The following ZBTB7C variants were observed in gnomAD, a reference collection of about 807,000 sequenced individuals.
The protein encoded by ZBTB7C is zinc finger and BTB domain-containing protein 7C.
In ZBTB7C, 8 loss-of-function variants were observed where a neutral mutation model predicts 25.7. The observed-to-expected ratio is 0.31, with a 90% confidence interval of 0.18 to 0.56. ZBTB7C has a LOEUF of 0.56. Ranked by LOEUF, ZBTB7C falls within the 20% of genes least tolerant of loss-of-function variation. The pLI, the probability that ZBTB7C is intolerant of heterozygous loss-of-function variation, is 0.91. For synonymous variants in ZBTB7C, 394 were observed against 369.0 expected, an observed-to-expected ratio of 1.07 and a Z score of -0.78; for missense variants, 824 against 855.2, an observed-to-expected ratio of 0.96 and a Z score of 0.46.
rs373023731 is a variant in ZBTB7C at position 48,084,216 on chromosome 18, C to T, written c.-16-43093G>A. On this transcript the variant is annotated intron_variant, in intron 3 of 4. Coordinates refer to ENST00000590800, the MANE Select transcript of ZBTB7C (RefSeq NM_001318841.2). ...GGGAAGGTTCAGCCTTCCGAGGCCTCACCCTGGGTCAGAGGAAGGCGGGGC... is the reference window on the plus strand; with the variant it reads ...GGGAAGGTTCAGCCTTCCGAGGCCTTACCCTGGGTCAGAGGAAGGCGGGGC... 9.2e-5 allele frequency among the ~76,000 whole-genome samples: 14 copies of T among 152,280 alleles called. No homozygotes were observed. In the East Asian group the frequency reaches 1.5e-3, roughly 17 times the overall value.
chr18:48,334,300 G>A (rs1218454973), intron 2 of ZBTB7C, among the ~76,000 whole-genome samples: 2 of 152,178 alleles, frequency 1.3e-5, no homozygotes, highest in African/African-American at 4.8e-5. Context: ...AGGAGAACAG[G>A]AGGCAAGGGG....
Position 48,328,349 on chromosome 18 carries a change from C to A in ZBTB7C, c.-79+9825G>T, listed in dbSNP as rs79550225. Among the ~76,000 whole-genome samples the A allele has an allele frequency of 9.4e-3, 1,432 of 152,180 alleles. 28 individuals carry two copies. Among genetic ancestry groups the A allele is most frequent in the East Asian group, 0.039 (202 of 5,184 alleles). ...ATCCGGCTATAGATAAAGCAATTCC[C>A]TAAATTGTAGATAGTGATGATCTGT... On this transcript the variant is annotated intron_variant, in intron 2 of 4. Coordinates refer to ENST00000590800, the MANE Select transcript of ZBTB7C (RefSeq NM_001318841.2).
At chr18:48,409,183 C>CCCCGGCAGCCGGCGCCCGAG (rs2048350929) in intron 1 of ZBTB7C, 43 bp downstream of exon 1, 1 of 149,614 alleles carries the variant, frequency 6.7e-6, no homozygotes, top group South Asian at 2.1e-4. Context: ...GAGATCGCGA[C>CCCCGGCAGCCGGCGCCCGAG]CCCGGCAGCC....
chr18:48,137,598 C>T (rs1453931217), intron 3 of ZBTB7C, among the ~76,000 whole-genome samples: 1 of 152,230 alleles, frequency 6.6e-6, no homozygotes, highest in Non-Finnish European at 1.5e-5. Flanking sequence ...TTTCTCCTTA[C>T]AGGGTCGTGA....
At chr18:48,299,422 C>G (rs2045487274) in intron 2 of ZBTB7C, among the ~76,000 whole-genome samples, 1 of 152,160 alleles carries the variant, frequency 6.6e-6, no homozygotes. Context: ...GAAGGGAGAA[C>G]AGAAAAGGTA....
chr18:48,180,908 T>C (rs998656085), intron 3 of ZBTB7C, among the ~76,000 whole-genome samples: 2 of 152,318 alleles, frequency 1.3e-5, no homozygotes, highest in African/African-American at 4.8e-5. Context: ...TGCAGTCCAT[T>C]TTAAGTTTTC....
rs2039900519 is a variant in ZBTB7C at position 48,129,044 on chromosome 18, G to A, written c.-17+56890C>T. ...TCAGAACGAGGGGATGAGGTGAGGG[G>A]TTTGAAAGGGTGCTGAGAGCTTAGA... On this transcript the variant is annotated intron_variant, in intron 3 of 4. Coordinates refer to ENST00000590800, the MANE Select transcript of ZBTB7C (RefSeq NM_001318841.2). Among the ~76,000 whole-genome samples the A allele has an allele frequency of 3.3e-5, 5 of 152,076 alleles. No individual in the cohort carries two copies. In the South Asian group the frequency reaches 1.0e-3, roughly 32 times the overall value.
intron 3 of ZBTB7C, among the ~76,000 whole-genome samples, chr18:48,126,547 G>A (rs555896911): frequency 1.2e-4 from 19 of 152,330 alleles, no homozygotes; most frequent in South Asian, 1.0e-3. Context: ...CTAGCTCCCC[G>A]GGGGAGATGC....
Position 48,035,532 on chromosome 18 carries a change from A to T in ZBTB7C, c.1208+4368T>A, listed in dbSNP as rs141695766. ...GCAATCAAGGACCCATGTGGTGGGA[A>T]TTAAGAGGCGGAAGATGCACAGGCT... On this transcript the variant is annotated intron_variant, in intron 4 of 4. Coordinates refer to ENST00000590800, the MANE Select transcript of ZBTB7C (RefSeq NM_001318841.2). Among the ~76,000 whole-genome samples, 7 of 152,320 alleles carry T rather than the reference A, an allele frequency of 4.6e-5. No homozygotes were observed. The East Asian group carries it at 1.4e-3, about 29-fold the overall frequency.
At chr18:48,383,878 A>G (rs1467596621) in intron 1 of ZBTB7C, among the ~76,000 whole-genome samples, 1 of 152,046 alleles carries the variant, frequency 6.6e-6, no homozygotes, top group East Asian at 1.9e-4. Flanking sequence ...TGAGGCTGGA[A>G]GGGAGCTCTG....
In ZBTB7C at chr18:48,318,317, C is replaced by G. The variant is rs549757425; in HGVS notation, c.-79+19857G>C. 1.7e-4 allele frequency among the ~76,000 whole-genome samples: 26 copies of G among 152,358 alleles called. 2 individuals are homozygous for G. The highest frequency in any genetic ancestry group is 6.8e-3 in the Middle Eastern group (2 of 294). On this transcript the variant is annotated intron_variant, in intron 2 of 4. Transcript: ENST00000590800. ...TAGGACTGGTTGGGAACCAACCCCC[C>G]CTCACAAGTCCTCCCCTGCCCCCAT...
At chr18:48,188,582 T>A (rs1274335938) in intron 2 of ZBTB7C, among the ~76,000 whole-genome samples, 1 of 152,140 alleles carries the variant, frequency 6.6e-6, no homozygotes, top group Admixed American at 6.5e-5. Context: ...AGCCCATGGC[T>A]CATAAGCATG....
At chr18:48,173,940 A>G (rs1220423313) in intron 3 of ZBTB7C, among the ~76,000 whole-genome samples, 1 of 152,110 alleles carries the variant, frequency 6.6e-6, no homozygotes, top group Non-Finnish European at 1.5e-5. Context: ...CAGCTTCCAA[A>G]TTGGCTCCCC....
intron 2 of ZBTB7C, among the ~76,000 whole-genome samples, chr18:48,315,662 A>G (rs2045930368): frequency 6.6e-6 from 1 of 152,072 alleles, no homozygotes; most frequent in Admixed American, 6.5e-5. Context: ...CCCGGTAGGA[A>G]GGGTGGCTCC....
Position 48,254,347 on chromosome 18 carries a change from C to A in ZBTB7C, c.-78-68352G>T, listed in dbSNP as rs376499457. ...AAGGAGCAGACAAGATGGCCCTGGCCAAGTGGAAAGCCCATTTGCATAATA... is the reference window on the plus strand; with the variant it reads ...AAGGAGCAGACAAGATGGCCCTGGCAAAGTGGAAAGCCCATTTGCATAATA... On this transcript the variant is annotated intron_variant, in intron 2 of 4. Transcript: ENST00000590800. Among the ~76,000 whole-genome samples the A allele has an allele frequency of 3.9e-5, 6 of 152,298 alleles. No individual in the cohort carries two copies. In the East Asian group the frequency reaches 9.6e-4, roughly 24 times the overall value.
chr18:48,175,314 T>C lies in ZBTB7C; in HGVS notation c.-17+10620A>G, dbSNP rs184890687. Among the ~76,000 whole-genome samples the C allele has an allele frequency of 1.1e-4, 16 of 152,136 alleles. 1 individual carries two copies. In the East Asian group the frequency reaches 2.9e-3, roughly 28 times the overall value. On this transcript the variant is annotated intron_variant, in intron 3 of 4. Transcript: ENST00000590800. ...GATTTGGGTGAAACAATTCTGAGAGTATTTTTAGATGTAATATAGGATGAG... is the reference window on the plus strand; with the variant it reads ...GATTTGGGTGAAACAATTCTGAGAGCATTTTTAGATGTAATATAGGATGAG...
intron 1 of ZBTB7C, among the ~76,000 whole-genome samples, chr18:48,371,094 G>A (rs1045826719): frequency 6.6e-6 from 1 of 152,158 alleles, no homozygotes; most frequent in Non-Finnish European, 1.5e-5. Flanking sequence ...TTTCTGGAGA[G>A]AGAGTACCTA....
intron 2 of ZBTB7C, among the ~76,000 whole-genome samples, chr18:48,194,596 TA>T (rs33965611): frequency 0.063 from 9,567 of 151,786 alleles, 404 homozygotes; most frequent in Middle Eastern, 0.15. Flanking sequence ...TTTGGAGAGA[TA>T]GGGGTGAAGG....
intron 2 of ZBTB7C, among the ~76,000 whole-genome samples, chr18:48,306,968 A>G (rs1568366034): frequency 6.6e-6 from 1 of 152,136 alleles, no homozygotes; most frequent in Non-Finnish European, 1.5e-5. Flanking sequence ...GCAAGAGACG[A>G]TCTGCCAACT....
Sources: gnomAD v4.1 joint callset for allele counts (sites outside exome capture counted in the v4.1 genomes callset) on GRCh38, gnomAD v4.1.1 for gene constraint, MANE v1.5 for transcripts, NCBI Gene and HGNC (gene_info 2026-07-23, HGNC 2026-07-21) for gene names.